EPHA6: variants seen among roughly 807,000 people sequenced by gnomAD.
EPHA6 encodes EPH receptor A6.
In EPHA6, 50 loss-of-function variants were observed where a neutral mutation model predicts 112.0. The observed-to-expected ratio is 0.45, with a 90% confidence interval of 0.36 to 0.56. EPHA6 has a LOEUF of 0.56. EPHA6 is among the 20% of genes least tolerant of loss of function. The pLI, the probability that EPHA6 is intolerant of heterozygous loss-of-function variation, is 0.00. For synonymous variants in EPHA6, 529 were observed against 490.7 expected, an observed-to-expected ratio of 1.08 and a Z score of -1.03; for missense variants, 1,280 against 1,417.4, an observed-to-expected ratio of 0.90 and a Z score of 1.56.
At chr3:97,064,069 T>C (rs906097364) in intron 3 of EPHA6, among the ~76,000 whole-genome samples, 8 of 152,196 alleles carry the variant, frequency 5.3e-5, no homozygotes, top group African/African-American at 1.9e-4. Flanking sequence ...TGAGAGAATC[T>C]TGGTTCTGGA....
intron 14 of EPHA6, among the ~76,000 whole-genome samples, chr3:97,707,852 C>T (rs2033763666): frequency 6.6e-6 from 1 of 152,180 alleles, no homozygotes; most frequent in Non-Finnish European, 1.5e-5. Flanking sequence ...CTCTCTCTCT[C>T]TCCTGCCACC....
At chr3:96,824,163 C>A (rs2033487726) in intron 1 of EPHA6, among the ~76,000 whole-genome samples, 1 of 150,798 alleles carries the variant, frequency 6.6e-6, no homozygotes, top group East Asian at 1.9e-4. Context: ...TTACGACCAG[C>A]AATCTATTTG....
At chr3:97,378,227 G>A (rs1389607050) in intron 5 of EPHA6, among the ~76,000 whole-genome samples, 1 of 152,196 alleles carries the variant, frequency 6.6e-6, no homozygotes, top group African/African-American at 2.4e-5. Flanking sequence ...GGCTTCAGAG[G>A]ATGCAAGCCC....
At chr3:97,137,399 A>C (rs1273701531) in intron 3 of EPHA6, among the ~76,000 whole-genome samples, 1 of 152,122 alleles carries the variant, frequency 6.6e-6, no homozygotes, top group Non-Finnish European at 1.5e-5. Context: ...ATTCAAGTCT[A>C]GATTTGAGCT....
chr3:97,128,374 T>G lies in EPHA6; in HGVS notation c.1115-97890T>G, dbSNP rs376294151. On this transcript the variant is annotated intron_variant, in intron 3 of 17. Transcript: ENST00000389672. Reference sequence around the variant, plus strand: ...TTTTCCTTTGGGTAGGTACCAGTAATGGGATTGCTGGGTCAAATGTTGGAT... The same window carrying G: ...TTTTCCTTTGGGTAGGTACCAGTAAGGGGATTGCTGGGTCAAATGTTGGAT... Among the ~76,000 whole-genome samples the G allele has an allele frequency of 7.2e-5, 11 of 152,300 alleles. No individual in the cohort carries two copies. In the South Asian group the frequency reaches 1.0e-3, roughly 14 times the overall value.
At position 96,987,608 on chromosome 3, in the gene EPHA6, C is replaced by T; in HGVS notation, c.729C>T (p.Asp243=). The T allele has an allele frequency of 6.2e-7, 1 of 1,613,282 alleles. No homozygotes were observed. ...KFKPNQYTKI[D]TIAADESFTQ... ...AGCCAAACCAGTATACAAAGATCGACACAATTGCTGCTGATGAGAGTTTTA... is the reference window on the plus strand; with the variant it reads ...AGCCAAACCAGTATACAAAGATCGATACAATTGCTGCTGATGAGAGTTTTA... Residue 243 remains aspartate (D), a synonymous_variant, in exon 3 of 18, where the codon GAC becomes GAT. Coordinates refer to ENST00000389672, the MANE Select transcript of EPHA6 (RefSeq NM_001080448.3).
chr3:97,281,201 A>ATGTG lies in EPHA6; in HGVS notation c.1606+36939_1606+36942dup, dbSNP rs10547257. 5.0e-3 allele frequency among the ~76,000 whole-genome samples: 702 copies of ATGTG among 140,550 alleles called. 11 individuals carry two copies. Among genetic ancestry groups the ATGTG allele is most frequent in the African/African-American group, 0.018 (628 of 34,756 alleles). 92.2% of individuals were successfully genotyped at this position (140,550 alleles called of 152,430 possible). A position where few individuals can be genotyped will look rare whatever the true frequency, so the allele number is the denominator to read the frequency against. On this transcript the variant is annotated intron_variant, in intron 5 of 17. Coordinates refer to ENST00000389672, the MANE Select transcript of EPHA6 (RefSeq NM_001080448.3). ...TTGCAATCATTAATTCAAAGAGTCT[A>ATGTG]TGTGTGTGTGTGTGTGTGTGTGTGT... is the stretch of plus-strand genomic sequence containing the variant.
intron 6 of EPHA6, among the ~76,000 whole-genome samples, chr3:97,421,131 A>G (rs2088590713): frequency 6.6e-6 from 1 of 152,094 alleles, no homozygotes; most frequent in Non-Finnish European, 1.5e-5. Flanking sequence ...CAAGAACTAC[A>G]TAAAAATGTC....
Position 97,292,233 on chromosome 3 carries a change from C to T in EPHA6, c.1606+47946C>T, listed in dbSNP as rs948118060. ...CCGCAGAGCCCCAAAGAGGGTGTTA[C>T]GGCGTGTCAGAGCCCTGGCTCAGGG... On this transcript the variant is annotated intron_variant, in intron 5 of 17. Transcript: ENST00000389672. 3.6e-4 allele frequency among the ~76,000 whole-genome samples: 55 copies of T among 152,386 alleles called. No homozygotes were observed. In the South Asian group the frequency reaches 5.6e-3, roughly 15 times the overall value.
chr3:97,723,252 T>C (rs2034612388), intron 15 of EPHA6, among the ~76,000 whole-genome samples: 1 of 152,128 alleles, frequency 6.6e-6, no homozygotes, highest in Non-Finnish European at 1.5e-5. Context: ...TGCCCAAATG[T>C]GTAGTTTTCA....
intron 14 of EPHA6, among the ~76,000 whole-genome samples, chr3:97,681,540 C>T (rs1011044540): frequency 3.9e-5 from 6 of 151,960 alleles, no homozygotes; most frequent in Non-Finnish European, 8.8e-5. Context: ...ACAGTGCAGG[C>T]TTCAGTGGGA....
chr3:97,676,025 AG>A (rs943991682), intron 14 of EPHA6, among the ~76,000 whole-genome samples: 30 of 152,150 alleles, frequency 2.0e-4, no homozygotes, highest in African/African-American at 7.2e-4. Flanking sequence ...GCAGTCGTAG[AG>A]GGGGAAAAAA....
intron 6 of EPHA6, among the ~76,000 whole-genome samples, chr3:97,432,176 T>C (rs2089550508): frequency 1.3e-5 from 2 of 152,150 alleles, no homozygotes. Flanking sequence ...CTAATTTTCT[T>C]GACATGGAAT....
intron 10 of EPHA6, among the ~76,000 whole-genome samples, chr3:97,528,448 G>A (rs1199108563): frequency 6.6e-6 from 1 of 152,118 alleles, no homozygotes; most frequent in Admixed American, 6.6e-5. Flanking sequence ...ACTGAGGAGA[G>A]TAGAGACAGG....
At chr3:97,527,788 C>A (rs1332860028) in intron 10 of EPHA6, among the ~76,000 whole-genome samples, 1 of 152,062 alleles carries the variant, frequency 6.6e-6, no homozygotes, top group Admixed American at 6.6e-5. Flanking sequence ...GTTTGAGTAG[C>A]TCCACAGGCT....
intron 3 of EPHA6, among the ~76,000 whole-genome samples, chr3:97,195,351 ACAAG>A (rs1444269284): frequency 6.6e-6 from 1 of 151,934 alleles, no homozygotes; most frequent in African/African-American, 2.4e-5. Flanking sequence ...AAACAAGCAA[ACAAG>A]CAAAGAGAAG....
At position 97,630,048 on chromosome 3, in the gene EPHA6, T is replaced by C. The variant is rs562150025; in HGVS notation, c.2575-7825T>C. 1.7e-3 allele frequency among the ~76,000 whole-genome samples: 259 copies of C among 152,190 alleles called. 3 individuals carry two copies. Among genetic ancestry groups the C allele is most frequent in the South Asian group, 3.5e-3 (17 of 4,828 alleles). ...TAAAGCTATATTATATTCAGATTCA[T>C]TTTTAGCTCTTAACATGTAATTCTG... is the stretch of plus-strand genomic sequence containing the variant. On this transcript the variant is annotated intron_variant, in intron 13 of 17. Coordinates refer to ENST00000389672, the MANE Select transcript of EPHA6 (RefSeq NM_001080448.3).
chr3:97,653,923 T>C (rs1424095051), intron 14 of EPHA6, among the ~76,000 whole-genome samples: 1 of 151,916 alleles, frequency 6.6e-6, no homozygotes, highest in Non-Finnish European at 1.5e-5. Context: ...CTCATTTACA[T>C]GTAGAATCTA....
chr3:97,296,859 A>C (rs1250953162), intron 5 of EPHA6, among the ~76,000 whole-genome samples: 1 of 152,076 alleles, frequency 6.6e-6, no homozygotes, highest in Non-Finnish European at 1.5e-5. Flanking sequence ...TAAATACCCA[A>C]CTGGGTCCAA....
Sources: gnomAD v4.1 joint callset for allele counts (sites outside exome capture counted in the v4.1 genomes callset) on GRCh38, gnomAD v4.1.1 for gene constraint, MANE v1.5 for transcripts, NCBI Gene and HGNC (gene_info 2026-07-23, HGNC 2026-07-21) for gene names.